Variants in SUN1 observed in about 807,000 individuals in gnomAD.
The protein encoded by SUN1 is Sad1 and UNC84 domain containing 1.
In SUN1, 61 loss-of-function variants were observed where a neutral mutation model predicts 103.2. The observed-to-expected ratio is 0.59, with a 90% confidence interval of 0.48 to 0.73. SUN1 has a LOEUF of 0.73. SUN1 is among the 30% of genes least tolerant of loss of function. SUN1 has a pLI of 0.00. For missense variants in SUN1, 1,052 were observed against 1,034.6 expected, an observed-to-expected ratio of 1.02 and a Z score of -0.23; for synonymous variants, 490 against 425.7, an observed-to-expected ratio of 1.15 and a Z score of -1.86.
At chr7:852,069 G>A (rs766724523) in intron 7 of SUN1, 26 bp downstream of exon 7, 87 of 1,609,668 alleles carry the variant, frequency 5.4e-5, no homozygotes, top group Non-Finnish European at 4.6e-5. Context: ...TCATGTCAGC[G>A]TGGTGCTTTA....
upstream of SUN1, among the ~76,000 whole-genome samples, chr7:830,762 G>A (rs551466225): frequency 6.6e-6 from 1 of 152,310 alleles, no homozygotes; most frequent in East Asian, 1.9e-4. Flanking sequence ...GTGTCCCCCA[G>A]GGTGGGAGCG....
At chr7:822,598 T>C (rs1787304988) in intron 1 of SUN1, among the ~76,000 whole-genome samples, 1 of 144,152 alleles carries the variant, frequency 6.9e-6, no homozygotes, top group African/African-American at 2.6e-5. Flanking sequence ...GTATCTGCAG[T>C]ATGAAAAACA....
chr7:854,144 C>T (rs1237390541), intron 10 of SUN1, among the ~76,000 whole-genome samples: 2 of 152,196 alleles, frequency 1.3e-5, no homozygotes, highest in East Asian at 1.9e-4. Context: ...AGAACCGTTG[C>T]GTGAAAACTG....
chr7:866,785 G>A (rs1486575899), intron 16 of SUN1, among the ~76,000 whole-genome samples: 2 of 44,242 alleles, frequency 4.5e-5, no homozygotes, highest in Admixed American at 5.5e-4. Flanking sequence ...ACCCCTCCCC[G>A]CCCCCTTCTC....
chr7:871,907 A>G (rs1329491393), intron 17 of SUN1, among the ~76,000 whole-genome samples: 3 of 152,240 alleles, frequency 2.0e-5, no homozygotes, highest in Non-Finnish European at 4.4e-5. Context: ...CGTTAAGCCC[A>G]GTCACACTGT....
At chr7:823,061 G>A (rs1266491424) in intron 1 of SUN1, among the ~76,000 whole-genome samples, 2 of 152,268 alleles carry the variant, frequency 1.3e-5, no homozygotes, top group Non-Finnish European at 2.9e-5. Context: ...AGCGTAGTCA[G>A]GTAAGGAGTA....
At chr7:867,800 G>A (rs763364471) in intron 16 of SUN1, among the ~76,000 whole-genome samples, 13 of 152,242 alleles carry the variant, frequency 8.5e-5, no homozygotes, top group Non-Finnish European at 1.3e-4. Flanking sequence ...TCTCCAGACC[G>A]TTGGGCGGAG....
chr7:843,795 A>C (rs2128308048), intron 5 of SUN1: 1 of 1,420,058 alleles, frequency 7.0e-7, no homozygotes, highest in East Asian at 2.6e-5. Context: ...GAAACTAATA[A>C]AACTACAGTC....
At chr7:854,837 G>T (rs1197542717) in intron 10 of SUN1, 83 bp from the exon 11 acceptor site, 1 of 939,408 alleles carries the variant, frequency 1.1e-6, no homozygotes, top group East Asian at 2.4e-5. Flanking sequence ...TCGGTATTCC[G>T]TGTAGAAACG....
intron 1 of SUN1, chr7:817,204 CCCGCCT>C: frequency 1.8e-6 from 1 of 569,318 alleles, no homozygotes; most frequent in East Asian, 3.1e-5. Context: ...GAGCTATCCT[CCCGCCT>C]CCGCCTCCCG....
upstream of SUN1, chr7:815,790 G>C (rs1417776455): frequency 4.5e-6 from 1 of 220,730 alleles, no homozygotes. Flanking sequence ...ACATTCCCCA[G>C]AAGGGCGCCT....
intron 1 of SUN1, among the ~76,000 whole-genome samples, chr7:821,158 CTTTTTTT>C (rs71546461): frequency 5.8e-5 from 4 of 68,978 alleles, no homozygotes; most frequent in African/African-American, 1.2e-4. Context: ...TTCAGCACAT[CTTTTTTT>C]TTTTTTTTTT....
chr7:853,743 G>A, intron 10 of SUN1, 125 bp downstream of exon 10: 1 of 1,074,468 alleles, frequency 9.3e-7, no homozygotes, highest in South Asian at 1.6e-5. Flanking sequence ...TGCCCTTTCT[G>A]TTCTTAGTTG....
intron 2 of SUN1, among the ~76,000 whole-genome samples, chr7:840,662 A>C (rs1184173510): frequency 7.4e-6 from 1 of 135,498 alleles, no homozygotes; most frequent in Non-Finnish European, 1.5e-5. Flanking sequence ...TTTTTTTTGA[A>C]ACGGAGTCTC....
chr7:867,664 G>A (rs1838087238), intron 16 of SUN1, among the ~76,000 whole-genome samples: 1 of 152,210 alleles, frequency 6.6e-6, no homozygotes, highest in African/African-American at 2.4e-5. Flanking sequence ...CAATCACTGT[G>A]CTGGGACTGG....
rs1344778317 is a variant in SUN1 at position 873,693 on chromosome 7, T to G, written c.*362T>G. 1 of 184,738 alleles carries G rather than the reference T, an allele frequency of 5.4e-6. No individual in the cohort carries two copies. The highest frequency in any genetic ancestry group is 1.1e-5 in the Non-Finnish European group (1 of 89,074). 11.4% of individuals were successfully genotyped at this position (184,738 alleles called of 1,614,324 possible). On this transcript the variant is annotated 3_prime_UTR_variant, in exon 19 of 19. Transcript: ENST00000401592. ...GACGCTTTGGTCTTCAGCCTTGCAC[T>G]GGCTCTTCTAAAGGACTTTTGGAGG...
intron 1 of SUN1, among the ~76,000 whole-genome samples, chr7:822,953 T>C (rs1222142882): frequency 6.7e-6 from 1 of 149,994 alleles, no homozygotes; most frequent in African/African-American, 2.5e-5. Flanking sequence ...TGGCCACCCG[T>C]GAATTCCCAC....
At chr7:866,737 C>T (rs1235692154) in intron 16 of SUN1, among the ~76,000 whole-genome samples, 2 of 119,898 alleles carry the variant, frequency 1.7e-5, no homozygotes, top group East Asian at 4.9e-4. Context: ...CCCGTCCCAC[C>T]GGGCCTTCAC....
chr7:863,089 C>T (rs1204986881), intron 15 of SUN1, among the ~76,000 whole-genome samples: 1 of 152,198 alleles, frequency 6.6e-6, no homozygotes, highest in East Asian at 1.9e-4. Context: ...TTGCAGTAAG[C>T]TGAGATCGTG....
Sources: gnomAD v4.1 joint callset for allele counts (sites outside exome capture counted in the v4.1 genomes callset) on GRCh38, gnomAD v4.1.1 for gene constraint, MANE v1.5 for transcripts, NCBI Gene and HGNC (gene_info 2026-07-23, HGNC 2026-07-21) for gene names.